AQP7B: variants seen among roughly 807,000 people sequenced by gnomAD.
The protein encoded by AQP7B is putative aquaporin-7B.
chr2:94,594,719 C>T, the AQP7B span: 5 of 1,480,534 alleles, frequency 3.4e-6, no homozygotes, highest in African/African-American at 4.2e-5. Context: ...TCCTTTCTGT[C>T]CCTGGGCTCG....
chr2:94,603,520 G>T, the AQP7B span: 1 of 1,598,708 alleles, frequency 6.3e-7, no homozygotes, highest in South Asian at 1.1e-5. Context: ...TCCAGGATGA[G>T]TACCCCTCCC....
chr2:94,597,612 G>GTTTTTTTTTT, the AQP7B span, among the ~76,000 whole-genome samples: 3 of 127,644 alleles, frequency 2.4e-5, no homozygotes, highest in Admixed American at 7.8e-5. Flanking sequence ...AGTCTTTTTT[G>GTTTTTTTTTT]TTTTTTTTTT....
chr2:94,603,206 C>T, the AQP7B span: 8 of 1,452,280 alleles, frequency 5.5e-6, no homozygotes, highest in Admixed American at 1.4e-4. Flanking sequence ...CCACCTCTGG[C>T]CTCAGCCGCC....
chr2:94,602,948 A>C, the AQP7B span: 2 of 1,411,064 alleles, frequency 1.4e-6, no homozygotes, highest in South Asian at 2.8e-5. Context: ...GCATGCTGTC[A>C]TACACACTAG....
At chr2:94,604,370 A>T in the AQP7B span, 20 of 1,611,344 alleles carry the variant, frequency 1.2e-5, no homozygotes, top group Non-Finnish European at 1.4e-5. Context: ...CCTGGTCTTC[A>T]TTGGCTCCAC....
the AQP7B span, among the ~76,000 whole-genome samples, chr2:94,597,120 G>A: frequency 2.3e-4 from 35 of 152,258 alleles, 2 homozygotes; most frequent in African/African-American, 8.4e-4. Context: ...TCTAGCTGCT[G>A]TCTCCTCTCT....
chr2:94,595,026 CTCA>C, the AQP7B span, among the ~76,000 whole-genome samples: 1 of 152,152 alleles, frequency 6.6e-6, no homozygotes, highest in South Asian at 2.1e-4. Context: ...TGGGGGCTTT[CTCA>C]TCAAGTCTTT....
the AQP7B span, chr2:94,603,302 C>G: frequency 1.4e-6 from 2 of 1,476,944 alleles, no homozygotes; most frequent in Non-Finnish European, 1.9e-6. Flanking sequence ...CTCCCCCACC[C>G]TCTAACCTAT....
At chr2:94,602,286 C>T in the AQP7B span, among the ~76,000 whole-genome samples, 2 of 152,064 alleles carry the variant, frequency 1.3e-5, no homozygotes, top group South Asian at 4.2e-4. Flanking sequence ...CTCTCAGTGG[C>T]TCAGGACTGA....
chr2:94,592,182 G>GGA, the AQP7B span, among the ~76,000 whole-genome samples: 2 of 152,054 alleles, frequency 1.3e-5, no homozygotes, highest in African/African-American at 2.4e-5. Flanking sequence ...CTCCAGCATG[G>GGA]GAGGTGGGGT....
chr2:94,595,811 G>T, the AQP7B span, among the ~76,000 whole-genome samples: 2 of 152,182 alleles, frequency 1.3e-5, no homozygotes, highest in African/African-American at 2.4e-5. Flanking sequence ...CCAGCACAGG[G>T]TGAGAGGCAA....
chr2:94,602,758 C>T, the AQP7B span: 2 of 928,708 alleles, frequency 2.2e-6, no homozygotes, highest in Non-Finnish European at 1.6e-6. Flanking sequence ...CCTCTGAACC[C>T]CGTGCCTATG....
the AQP7B span, chr2:94,588,664 T>A: frequency 2.2e-5 from 17 of 781,712 alleles, no homozygotes; most frequent in South Asian, 1.5e-4. Flanking sequence ...CCCCTTGACC[T>A]CCTCCTCCCC....
the AQP7B span, among the ~76,000 whole-genome samples, chr2:94,594,062 A>G: frequency 6.6e-6 from 1 of 152,150 alleles, no homozygotes; most frequent in Non-Finnish European, 1.5e-5. Context: ...GGCACTGAAG[A>G]TACACCAGGA....
chr2:94,601,236 C>G, the AQP7B span, among the ~76,000 whole-genome samples: 1 of 152,188 alleles, frequency 6.6e-6, no homozygotes, highest in Non-Finnish European at 1.5e-5. Flanking sequence ...ACCCATCTGT[C>G]AAGTAGGGGA....
chr2:94,604,489 C>A, the AQP7B span: 4 of 1,610,986 alleles, frequency 2.5e-6, no homozygotes, highest in Non-Finnish European at 3.4e-6. Context: ...CTCCCCTCAC[C>A]CTCATCTCCG....
At chr2:94,597,485 T>A in the AQP7B span, among the ~76,000 whole-genome samples, 1 of 152,130 alleles carries the variant, frequency 6.6e-6, no homozygotes, top group African/African-American at 2.4e-5. Context: ...CCCTGTGAAG[T>A]AGGTACTATT....
At chr2:94,588,269 G>C in the AQP7B span, among the ~76,000 whole-genome samples, 2 of 152,040 alleles carry the variant, frequency 1.3e-5, no homozygotes, top group Non-Finnish European at 2.9e-5. Flanking sequence ...GCACTGGAGG[G>C]TCTGGCCTGG....
At chr2:94,602,660 C>A in the AQP7B span, 1 of 1,545,104 alleles carries the variant, frequency 6.5e-7, no homozygotes. Context: ...ACCAGGTGTC[C>A]CCAACAGGCT....
Sources: gnomAD v4.1 joint callset for allele counts (sites outside exome capture counted in the v4.1 genomes callset) on GRCh38, gnomAD v4.1.1 for gene constraint, MANE v1.5 for transcripts, NCBI Gene and HGNC (gene_info 2026-07-23, HGNC 2026-07-21) for gene names.